Variants in C17orf114 observed in about 807,000 individuals in gnomAD.
C17orf114 encodes chromosome 17 open reading frame 114.
At chr17:4,801,452 A>G in exon 2 of C17orf114, 1 of 398,826 alleles carries the variant, frequency 2.5e-6, no homozygotes, top group Non-Finnish European at 4.4e-6. Flanking sequence ...AGCAGGACTC[A>G]GGCCTAAAAG....
At chr17:4,802,298 A>G (rs1402692386) in exon 1 of C17orf114, 1 of 399,350 alleles carries the variant, frequency 2.5e-6, no homozygotes, top group Non-Finnish European at 4.4e-6. Flanking sequence ...CATGGGAAAC[A>G]CCATGCCCCC....
upstream of C17orf114, among the ~76,000 whole-genome samples, chr17:4,806,286 T>C (rs1668032875): frequency 6.6e-6 from 1 of 152,014 alleles, no homozygotes; most frequent in South Asian, 2.1e-4. Context: ...TTCTTATAAG[T>C]TAAACACACA....
At chr17:4,801,304 A>G (rs1247327145) in exon 2 of C17orf114, 2 of 398,582 alleles carry the variant, frequency 5.0e-6, no homozygotes, top group Admixed American at 4.4e-5. Flanking sequence ...TGGTGGAGTC[A>G]TTGGCCGATG....
chr17:4,804,101 G>T (rs1905581497), upstream of C17orf114, among the ~76,000 whole-genome samples: 1 of 152,198 alleles, frequency 6.6e-6, no homozygotes, highest in Non-Finnish European at 1.5e-5. Flanking sequence ...AGACAGTTTG[G>T]GGTGGCCAGA....
At chr17:4,806,812 C>T (rs944660573), upstream of C17orf114, 4 of 150,430 alleles carry the variant, frequency 2.7e-5, no homozygotes, top group African/African-American at 7.3e-5. Context: ...GCTGGAGGGG[C>T]CCGGGGCGGG....
At chr17:4,802,374 G>A (rs573563839), upstream of C17orf114, 32 of 398,790 alleles carry the variant, frequency 8.0e-5, 1 homozygote, top group South Asian at 3.3e-3. Context: ...CCCGGGAGAG[G>A]GGTGTGGTTT....
exon 2 of C17orf114, chr17:4,801,406 G>A (rs1905505834): frequency 2.5e-6 from 1 of 398,798 alleles, no homozygotes; most frequent in African/African-American, 2.1e-5. Flanking sequence ...CCTCAGCCAT[G>A]GTGGGGGCTA....
chr17:4,805,296 G>A (rs760030318), upstream of C17orf114, among the ~76,000 whole-genome samples: 24 of 151,956 alleles, frequency 1.6e-4, no homozygotes, highest in Non-Finnish European at 3.1e-4. Flanking sequence ...AGGCGTGGTG[G>A]CAGGTGCCTG....
intron 1 of C17orf114, among the ~76,000 whole-genome samples, chr17:4,801,851 C>G: frequency 6.6e-6 from 1 of 152,000 alleles, no homozygotes; most frequent in East Asian, 1.9e-4. Context: ...CTGCCTCAGC[C>G]TCCCGAGTAG....
At chr17:4,801,674 C>T (rs1017704617) in intron 1 of C17orf114, among the ~76,000 whole-genome samples, 7 of 151,900 alleles carry the variant, frequency 4.6e-5, no homozygotes, top group Non-Finnish European at 8.8e-5. Flanking sequence ...TAGGATCCTC[C>T]GACTCAGAAG....
chr17:4,803,309 A>C (rs1419895236), upstream of C17orf114, among the ~76,000 whole-genome samples: 1 of 151,626 alleles, frequency 6.6e-6, no homozygotes, highest in African/African-American at 2.4e-5. Context: ...GAGGTAAGGT[A>C]ATTTGCCCAA....
chr17:4,805,422 C>CAA (rs111565698), upstream of C17orf114, among the ~76,000 whole-genome samples: 1 of 135,868 alleles, frequency 7.4e-6, no homozygotes, highest in African/African-American at 2.7e-5. Context: ...AACTCTGTCT[C>CAA]AAAAAAAAAA....
chr17:4,805,137 T>C (rs983309106), upstream of C17orf114, among the ~76,000 whole-genome samples: 2 of 152,150 alleles, frequency 1.3e-5, no homozygotes, highest in Non-Finnish European at 2.9e-5. Flanking sequence ...TTTGCCTGTT[T>C]TATAAGTTTA....
At chr17:4,803,690 T>C (rs572887062), upstream of C17orf114, among the ~76,000 whole-genome samples, 6 of 152,070 alleles carry the variant, frequency 3.9e-5, no homozygotes, top group East Asian at 9.7e-4. Flanking sequence ...CCTCCCAAAG[T>C]GCTGGGATTA....
At chr17:4,804,961 A>G (rs567056710), upstream of C17orf114, among the ~76,000 whole-genome samples, 10 of 152,270 alleles carry the variant, frequency 6.6e-5, no homozygotes, top group South Asian at 2.1e-4. Context: ...GTACAGTTCC[A>G]TGAGTATTAC....
chr17:4,805,674 G>C (rs1234256411), upstream of C17orf114, among the ~76,000 whole-genome samples: 2 of 146,790 alleles, frequency 1.4e-5, no homozygotes, highest in African/African-American at 2.5e-5. Context: ...GACTCTGGCC[G>C]GGCGCGGTGG....
upstream of C17orf114, among the ~76,000 whole-genome samples, chr17:4,806,595 T>A (rs1343634189): frequency 1.3e-5 from 2 of 152,194 alleles, no homozygotes; most frequent in Admixed American, 1.3e-4. Flanking sequence ...AATAAATGTT[T>A]GGTGAATGAA....
chr17:4,803,926 T>C (rs1327599732), upstream of C17orf114, among the ~76,000 whole-genome samples: 1 of 151,372 alleles, frequency 6.6e-6, no homozygotes, highest in Non-Finnish European at 1.5e-5. Flanking sequence ...TTCACCACGT[T>C]GGCCAGGCTG....
chr17:4,802,416 C>T (rs1490600991), upstream of C17orf114: 3 of 397,964 alleles, frequency 7.5e-6, no homozygotes, highest in Non-Finnish European at 1.3e-5. Flanking sequence ...AAAACTACCA[C>T]TTAGCCTCAG....
Sources: gnomAD v4.1 joint callset for allele counts (sites outside exome capture counted in the v4.1 genomes callset) on GRCh38, gnomAD v4.1.1 for gene constraint, MANE v1.5 for transcripts, NCBI Gene and HGNC (gene_info 2026-07-23, HGNC 2026-07-21) for gene names.